Variants in CYRIA observed in about 807,000 individuals in gnomAD.
CYRIA encodes the protein CYFIP-related Rac1 interactor A.
CYRIA carries 15 observed loss-of-function variants against 43.9 expected under a neutral mutation model. The observed-to-expected ratio is 0.34, with a 90% CI of 0.23 to 0.53. CYRIA has a LOEUF of 0.53. Among genes scored for constraint, CYRIA ranks in the 20% least tolerant of loss-of-function variants. The pLI is 0.94. For missense variants in CYRIA, 236 were observed against 394.2 expected, an observed-to-expected ratio of 0.60 and a Z score of 3.40; for synonymous variants, 117 against 136.0, an observed-to-expected ratio of 0.86 and a Z score of 0.97.
rs1666293657 is a variant in CYRIA at position 16,551,103 on chromosome 2, C to G, written c.*1833G>C. 1 of 152,068 alleles carries G rather than the reference C, an allele frequency of 6.6e-6. No homozygotes were observed. Among genetic ancestry groups the G allele is most frequent in the African/African-American group, 2.4e-5 (1 of 41,436 alleles). 9.4% of individuals were successfully genotyped at this position (152,068 alleles called of 1,614,324 possible). ...CTTGAAAATCTCCAAGGAAAAGAGC[C>G]TTTTCCTTCTGTTGACTAATGTTTA... On this transcript the variant is annotated 3_prime_UTR_variant, in exon 12 of 12. Transcript: ENST00000381323.
At chr2:16,615,079 G>A (rs1668733756) in intron 2 of CYRIA, among the ~76,000 whole-genome samples, 2 of 152,158 alleles carry the variant, frequency 1.3e-5, no homozygotes, top group African/African-American at 4.8e-5. Flanking sequence ...ATACAAAATG[G>A]CTTATTGTTT....
intron 1 of CYRIA, among the ~76,000 whole-genome samples, chr2:16,649,364 GGTTGTACACTACAGGGGACA>G (rs1357865895): frequency 6.6e-6 from 1 of 152,028 alleles, no homozygotes; most frequent in East Asian, 1.9e-4. Context: ...TACAGGGGAC[GGTTGTACACTACAGGGGACA>G]GTTGTACAGT....
rs574100518 is a variant in CYRIA at position 16,583,401 on chromosome 2, T to A, written c.70+4649A>T. On this transcript the variant is annotated intron_variant, in intron 3 of 11. Coordinates refer to ENST00000381323, the MANE Select transcript of CYRIA (RefSeq NM_030797.4). ...ACCTGGATGCATGAATTAAAGGTGG[T>A]TCACAAAGCAGCTTATCATCAGAAG... 2.0e-5 allele frequency among the ~76,000 whole-genome samples: 3 copies of A among 152,268 alleles called. No homozygotes were observed. In the South Asian group the frequency reaches 6.2e-4, roughly 32 times the overall value.
chr2:16,561,122 A>C (rs1252801355), intron 8 of CYRIA, 39 bp downstream of exon 8: 1 of 1,610,672 alleles, frequency 6.2e-7, no homozygotes, highest in African/African-American at 1.3e-5. Flanking sequence ...CTTGTGTGGA[A>C]TTAAGGAAAA....
chr2:16,651,475 A>G (rs1418362575), intron 1 of CYRIA, among the ~76,000 whole-genome samples: 2 of 152,256 alleles, frequency 1.3e-5, no homozygotes, highest in African/African-American at 2.4e-5. Context: ...AACCTGGAGA[A>G]GTAAAGTTGA....
intron 11 of CYRIA, among the ~76,000 whole-genome samples, chr2:16,553,704 T>C (rs1390043282): frequency 1.3e-5 from 2 of 152,164 alleles, no homozygotes; most frequent in African/African-American, 4.8e-5. Context: ...AGATTTGTGA[T>C]TTCTGATTCA....
chr2:16,611,295 G>A (rs1383527060), intron 2 of CYRIA, among the ~76,000 whole-genome samples: 4 of 152,180 alleles, frequency 2.6e-5, no homozygotes, highest in Admixed American at 1.3e-4. Context: ...AACCCAGGAG[G>A]TGGAGGTTGC....
chr2:16,608,149 T>A (rs1668473963), intron 2 of CYRIA, among the ~76,000 whole-genome samples: 1 of 151,896 alleles, frequency 6.6e-6, no homozygotes. Context: ...GCCACTGAGA[T>A]GGATGGGAAG....
intron 2 of CYRIA, among the ~76,000 whole-genome samples, chr2:16,601,369 A>T (rs541191191): frequency 5.3e-5 from 8 of 152,324 alleles, no homozygotes; most frequent in Middle Eastern, 3.4e-3. Flanking sequence ...GTGACCCCTC[A>T]ATCCTCCAAA....
At chr2:16,582,986 T>C (rs1667601845) in intron 3 of CYRIA, among the ~76,000 whole-genome samples, 1 of 152,196 alleles carries the variant, frequency 6.6e-6, no homozygotes, top group Non-Finnish European at 1.5e-5. Flanking sequence ...CAGTGGTGTA[T>C]GATAATCCCA....
intron 2 of CYRIA, among the ~76,000 whole-genome samples, chr2:16,604,706 G>C (rs1668329990): frequency 6.6e-6 from 1 of 152,226 alleles, no homozygotes; most frequent in African/African-American, 2.4e-5. Flanking sequence ...GAATGAAGTA[G>C]CTCAGTTGAT....
At chr2:16,635,450 T>C (rs1669466988) in intron 1 of CYRIA, among the ~76,000 whole-genome samples, 1 of 152,142 alleles carries the variant, frequency 6.6e-6, no homozygotes, top group Admixed American at 6.5e-5. Context: ...GGTAGATCTC[T>C]TGCCCTAACA....
chr2:16,662,871 C>T (rs1039595305), intron 1 of CYRIA, among the ~76,000 whole-genome samples: 1 of 152,348 alleles, frequency 6.6e-6, no homozygotes, highest in South Asian at 2.1e-4. Context: ...ACCTGTCTAA[C>T]TGTATTATAA....
chr2:16,664,479 G>A (rs760161234), intron 1 of CYRIA, among the ~76,000 whole-genome samples: 2 of 152,180 alleles, frequency 1.3e-5, no homozygotes, highest in Non-Finnish European at 2.9e-5. Context: ...TCAGAAGCAC[G>A]CAGGAAAAAC....
At chr2:16,566,259 G>A (rs1477095954) in intron 3 of CYRIA, among the ~76,000 whole-genome samples, 1 of 151,970 alleles carries the variant, frequency 6.6e-6, no homozygotes, top group African/African-American at 2.4e-5. Flanking sequence ...TACAACCATC[G>A]CCACACTCCA....
intron 3 of CYRIA, among the ~76,000 whole-genome samples, chr2:16,578,084 T>A (rs1432370733): frequency 6.6e-6 from 1 of 152,196 alleles, no homozygotes; most frequent in Non-Finnish European, 1.5e-5. Flanking sequence ...TGGAGGGCCT[T>A]CTGAAGCCTG....
At chr2:16,563,958 T>G in intron 5 of CYRIA, 31 bp downstream of exon 5, 1 of 1,514,910 alleles carries the variant, frequency 6.6e-7, no homozygotes, top group Non-Finnish European at 9.1e-7. Flanking sequence ...ACTCCGTATG[T>G]GGGCCATGAA....
At position 16,613,555 on chromosome 2, in the gene CYRIA, G is replaced by T. The variant is rs189026297; in HGVS notation, c.-11+10309C>A. 9.2e-3 allele frequency among the ~76,000 whole-genome samples: 1,396 copies of T among 152,328 alleles called. 22 individuals are homozygous for T. Among genetic ancestry groups the T allele is most frequent in the African/African-American group, 0.032 (1,317 of 41,554 alleles). On this transcript the variant is annotated intron_variant, in intron 2 of 11. Coordinates refer to ENST00000381323, the MANE Select transcript of CYRIA (RefSeq NM_030797.4). Reference sequence around the variant, plus strand: ...TTACCCTCCAGTAGGTTAGTTTGAAGAGTTACTATATTGTATATTTCTGCT... The same window carrying T: ...TTACCCTCCAGTAGGTTAGTTTGAATAGTTACTATATTGTATATTTCTGCT...
chr2:16,581,569 T>G (rs1203115637), intron 3 of CYRIA, among the ~76,000 whole-genome samples: 2 of 152,134 alleles, frequency 1.3e-5, no homozygotes, highest in Middle Eastern at 3.2e-3. Context: ...ATAAGCATGT[T>G]TATTATTATT....
Sources: gnomAD v4.1 joint callset for allele counts (sites outside exome capture counted in the v4.1 genomes callset) on GRCh38, gnomAD v4.1.1 for gene constraint, MANE v1.5 for transcripts, NCBI Gene and HGNC (gene_info 2026-07-23, HGNC 2026-07-21) for gene names.